Variants in ST6GALNAC3 observed in about 807,000 individuals in gnomAD.
ST6GALNAC3 encodes alpha-N-acetylgalactosaminide alpha-2,6-sialyltransferase 3.
Under a neutral mutation model 32.7 loss-of-function variants are expected in ST6GALNAC3, and 25 were observed. That is an observed-to-expected ratio of 0.76 (90% CI 0.56 to 1.07). ST6GALNAC3 has a LOEUF of 1.07. ST6GALNAC3 is among the 50% of genes least tolerant of loss of function. The probability of loss-of-function intolerance (pLI) is 0.00; values close to 1 mark genes in which losing one functional copy is unlikely to be tolerated. For missense variants in ST6GALNAC3, 355 were observed against 382.4 expected, an observed-to-expected ratio of 0.93 and a Z score of 0.60; for synonymous variants, 129 against 133.1, an observed-to-expected ratio of 0.97 and a Z score of 0.21.
At chr1:76,590,157 T>G (rs1219212058) in intron 3 of ST6GALNAC3, among the ~76,000 whole-genome samples, 1 of 152,162 alleles carries the variant, frequency 6.6e-6, no homozygotes, top group African/African-American at 2.4e-5. Context: ...CCCCATCAAC[T>G]GGGATCCATA....
chr1:76,419,525 C>T (rs1571171409), intron 3 of ST6GALNAC3, among the ~76,000 whole-genome samples: 1 of 152,080 alleles, frequency 6.6e-6, no homozygotes, highest in East Asian at 1.9e-4. Flanking sequence ...ACAATTATTT[C>T]TCCTCTCCTT....
chr1:76,204,778 A>G (rs1328276977), intron 1 of ST6GALNAC3, among the ~76,000 whole-genome samples: 2 of 152,144 alleles, frequency 1.3e-5, no homozygotes, highest in Non-Finnish European at 2.9e-5. Flanking sequence ...TTTGGTAACT[A>G]TTACTGGTAG....
intron 3 of ST6GALNAC3, among the ~76,000 whole-genome samples, chr1:76,576,626 G>C (rs1410419789): frequency 3.9e-5 from 6 of 151,994 alleles, no homozygotes; most frequent in African/African-American, 1.4e-4. Flanking sequence ...TTACACCTTA[G>C]AGCCTGTCTT....
At chr1:76,579,203 A>G (rs981532141) in intron 3 of ST6GALNAC3, among the ~76,000 whole-genome samples, 4 of 152,022 alleles carry the variant, frequency 2.6e-5, no homozygotes, top group African/African-American at 9.7e-5. Context: ...ATCCAAACAT[A>G]CACAAATATA....
At chr1:76,081,612 C>T (rs1646897262) in intron 1 of ST6GALNAC3, among the ~76,000 whole-genome samples, 1 of 152,090 alleles carries the variant, frequency 6.6e-6, no homozygotes, top group Non-Finnish European at 1.5e-5. Flanking sequence ...AGAGGGGCTG[C>T]AAAGACTGAG....
At chr1:76,192,496 A>G (rs960759799) in intron 1 of ST6GALNAC3, among the ~76,000 whole-genome samples, 2 of 152,160 alleles carry the variant, frequency 1.3e-5, no homozygotes, top group Non-Finnish European at 2.9e-5. Context: ...GCACGCTTCA[A>G]TATTTTATTA....
At chr1:76,444,101 G>A (rs1370276468) in intron 3 of ST6GALNAC3, among the ~76,000 whole-genome samples, 3 of 152,186 alleles carry the variant, frequency 2.0e-5, no homozygotes, top group Non-Finnish European at 4.4e-5. Flanking sequence ...GACAGACTTG[G>A]TCAACTACCT....
intron 2 of ST6GALNAC3, among the ~76,000 whole-genome samples, chr1:76,394,211 G>A (rs1299891519): frequency 1.3e-5 from 2 of 152,294 alleles, no homozygotes; most frequent in Non-Finnish European, 2.9e-5. Context: ...TAGCAGAGTG[G>A]TAATTGAACA....
intron 1 of ST6GALNAC3, among the ~76,000 whole-genome samples, chr1:76,203,117 C>T (rs1286430177): frequency 6.6e-6 from 1 of 152,062 alleles, no homozygotes; most frequent in Non-Finnish European, 1.5e-5. Context: ...AGGGTACATG[C>T]CAAAGGAATG....
chr1:76,144,868 C>T (rs1366236671), intron 1 of ST6GALNAC3, among the ~76,000 whole-genome samples: 1 of 152,148 alleles, frequency 6.6e-6, no homozygotes, highest in Admixed American at 6.5e-5. Context: ...GTGAGGGCCT[C>T]CTTTATTGGA....
At chr1:76,156,242 C>T (rs1651413063) in intron 1 of ST6GALNAC3, among the ~76,000 whole-genome samples, 2 of 152,124 alleles carry the variant, frequency 1.3e-5, no homozygotes, top group South Asian at 4.1e-4. Context: ...ACGTCATCAC[C>T]TCGCTGAGAC....
chr1:76,554,307 G>A (rs1039633725), intron 3 of ST6GALNAC3, among the ~76,000 whole-genome samples: 1 of 151,950 alleles, frequency 6.6e-6, no homozygotes, highest in African/African-American at 2.4e-5. Flanking sequence ...TAAGTCTCTC[G>A]GGTTATAGTT....
intron 1 of ST6GALNAC3, among the ~76,000 whole-genome samples, chr1:76,277,735 A>G (rs180766689): frequency 2.0e-3 from 298 of 152,006 alleles, no homozygotes; most frequent in Middle Eastern, 6.8e-3. Flanking sequence ...TAATATGGCT[A>G]ATAATTGTCT....
chr1:76,447,351 T>C (rs1378716752), intron 3 of ST6GALNAC3, among the ~76,000 whole-genome samples: 1 of 152,200 alleles, frequency 6.6e-6, no homozygotes, highest in Non-Finnish European at 1.5e-5. Context: ...ACTTGGGTGC[T>C]GTTAAAAACA....
chr1:76,278,165 C>T (rs973168703), intron 1 of ST6GALNAC3, among the ~76,000 whole-genome samples: 5 of 132,480 alleles, frequency 3.8e-5, no homozygotes, highest in South Asian at 2.3e-4. Flanking sequence ...CACTGTCTTT[C>T]GTCACTATAA....
At chr1:76,506,566 G>A (rs1003839185) in intron 3 of ST6GALNAC3, among the ~76,000 whole-genome samples, 16 of 152,284 alleles carry the variant, frequency 1.1e-4, no homozygotes, top group Non-Finnish European at 1.9e-4. Flanking sequence ...TAATTACTGC[G>A]TTTGGTTCCA....
At position 76,548,590 on chromosome 1, in the gene ST6GALNAC3, G is replaced by T. The variant is rs544528719; in HGVS notation, c.624-78862G>T. On this transcript the variant is annotated intron_variant, in intron 3 of 4. Coordinates refer to ENST00000328299, the MANE Select transcript of ST6GALNAC3 (RefSeq NM_152996.4). The stretch of plus-strand genomic sequence containing the variant: ...AGGCGTTGTTGCTTTTTTCAGGAAG[G>T]AGAATAGTCCCCAGAGACTCCTAAC... Among the ~76,000 whole-genome samples, 10 of 152,264 alleles carry T rather than the reference G, an allele frequency of 6.6e-5. 1 individual carries two copies. The highest frequency in any genetic ancestry group is 2.2e-4 in the African/African-American group (9 of 41,560).
intron 3 of ST6GALNAC3, among the ~76,000 whole-genome samples, chr1:76,571,550 A>G (rs1244593016): frequency 2.0e-5 from 3 of 152,116 alleles, no homozygotes; most frequent in Non-Finnish European, 4.4e-5. Context: ...ATTAACCTTT[A>G]TTTTAAACCT....
At chr1:76,081,007 A>G (rs752551612) in intron 1 of ST6GALNAC3, among the ~76,000 whole-genome samples, 1 of 152,196 alleles carries the variant, frequency 6.6e-6, no homozygotes, top group Non-Finnish European at 1.5e-5. Flanking sequence ...ATTGATAACA[A>G]CAGCAACAAT....
Sources: gnomAD v4.1 joint callset for allele counts (sites outside exome capture counted in the v4.1 genomes callset) on GRCh38, gnomAD v4.1.1 for gene constraint, MANE v1.5 for transcripts, NCBI Gene and HGNC (gene_info 2026-07-23, HGNC 2026-07-21) for gene names.